TAF1B: variants seen among roughly 807,000 people sequenced by gnomAD.
The protein encoded by TAF1B is TATA-box binding protein associated factor, RNA polymerase I subunit B, also known as TATA box-binding protein-associated factor RNA polymerase I subunit B.
A neutral mutation model predicts 83.9 loss-of-function variants in TAF1B; 61 were observed. The observed-to-expected ratio is 0.73, with a 90% confidence interval of 0.59 to 0.90. The LOEUF (loss-of-function observed/expected upper bound fraction) is 0.90, where lower values mean the gene tolerates loss of function less well. Ranked by LOEUF, TAF1B falls within the 40% of genes least tolerant of loss-of-function variation. TAF1B has a pLI of 0.00. For synonymous variants in TAF1B, 221 were observed against 224.6 expected, an observed-to-expected ratio of 0.98 and a Z score of 0.14; for missense variants, 625 against 677.0, an observed-to-expected ratio of 0.92 and a Z score of 0.85.
intron 5 of TAF1B, among the ~76,000 whole-genome samples, chr2:9,864,109 G>A (rs1455399246): frequency 1.3e-5 from 2 of 152,158 alleles, no homozygotes; most frequent in Non-Finnish European, 2.9e-5. Context: ...GAGCAGAACT[G>A]TAGGAAATAG....
intron 14 of TAF1B, among the ~76,000 whole-genome samples, chr2:9,927,341 G>T (rs113476419): frequency 0.011 from 1,636 of 152,282 alleles, 31 homozygotes; most frequent in African/African-American, 0.037. Context: ...ACATGTGCAT[G>T]TGTCTTTATA....
chr2:9,881,267 G>A (rs1335198709), intron 7 of TAF1B, among the ~76,000 whole-genome samples: 2 of 152,044 alleles, frequency 1.3e-5, no homozygotes, highest in African/African-American at 2.4e-5. Context: ...GAACCTGGGA[G>A]GTGGAGGCTG....
chr2:9,929,142 T>TTTATTGTTGTTG (rs71391176), intron 14 of TAF1B, among the ~76,000 whole-genome samples: 1 of 150,914 alleles, frequency 6.6e-6, no homozygotes, highest in African/African-American at 2.4e-5. Context: ...ATTGGTTCTG[T>TTTATTGTTGTTG]TTGTTGTTGT....
chr2:9,891,094 C>CA (rs1346328764), intron 8 of TAF1B, among the ~76,000 whole-genome samples: 3 of 152,192 alleles, frequency 2.0e-5, no homozygotes, highest in Admixed American at 6.5e-5. Flanking sequence ...TTAAATTATA[C>CA]AATACAGTCA....
chr2:9,901,265 A>G (rs1665169317), intron 8 of TAF1B, among the ~76,000 whole-genome samples: 1 of 152,218 alleles, frequency 6.6e-6, no homozygotes. Flanking sequence ...TTTAAAAATA[A>G]AAGAAATTTT....
In TAF1B at chr2:9,923,407, G is replaced by A. The variant is rs146540364; in HGVS notation, c.1565+3587G>A. 8.5e-3 allele frequency among the ~76,000 whole-genome samples: 1,292 copies of A among 151,918 alleles called. 22 individuals are homozygous for A. The highest frequency in any genetic ancestry group is 0.029 in the African/African-American group (1,206 of 41,420). ...AAGAGTGGCACTGTTGGCCGGGCACGGTGGTTCACACCTGTAATCCCAGCA... is the reference window on the plus strand; with the variant it reads ...AAGAGTGGCACTGTTGGCCGGGCACAGTGGTTCACACCTGTAATCCCAGCA... On this transcript the variant is annotated intron_variant, in intron 14 of 14. Transcript: ENST00000263663.
rs753209727 is a variant in TAF1B, at chr2:9,888,790, G to GGT, written c.807+5985_807+5986insGT. On this transcript the variant is annotated intron_variant, in intron 8 of 14. Coordinates refer to ENST00000263663, the MANE Select transcript of TAF1B (RefSeq NM_005680.3). ...GTTTTCTTTATGTTTCTTCTGCTTGGTTTTTTTTTTTTTTTTTTTTTTTTT... is the reference window on the plus strand; with the variant it reads ...GTTTTCTTTATGTTTCTTCTGCTTGGGTTTTTTTTTTTTTTTTTTTTTTTTTT... 2.1e-4 allele frequency among the ~76,000 whole-genome samples: 17 copies of GGT among 81,662 alleles called. 2 individuals are homozygous for GGT. The highest frequency in any genetic ancestry group is 6.3e-4 in the East Asian group (2 of 3,198). 53.6% of individuals were successfully genotyped at this position (81,662 alleles called of 152,430 possible). A position where few individuals can be genotyped will look rare whatever the true frequency, so the allele number is the denominator to read the frequency against.
chr2:9,913,448 C>A, intron 12 of TAF1B, 199 bp downstream of exon 12: 1 of 448,500 alleles, frequency 2.2e-6, no homozygotes, highest in Non-Finnish European at 3.9e-6. Flanking sequence ...GTGGATTTCA[C>A]CAGTGTTTTT....
intron 1 of TAF1B, among the ~76,000 whole-genome samples, chr2:9,844,119 G>A (rs1010419376): frequency 1.3e-5 from 2 of 152,110 alleles, no homozygotes; most frequent in Admixed American, 6.5e-5. Context: ...CATGCATTTT[G>A]TTTTGTTTTA....
intron 12 of TAF1B, among the ~76,000 whole-genome samples, chr2:9,917,546 A>G (rs12617033): frequency 0.51 from 78,249 of 152,046 alleles, 23,121 homozygotes; most frequent in Non-Finnish European, 0.68. Context: ...TTAAAGAACC[A>G]ATACATACAG....
chr2:9,889,510 G>A (rs925106580), intron 8 of TAF1B, among the ~76,000 whole-genome samples: 1 of 151,440 alleles, frequency 6.6e-6, no homozygotes, highest in Admixed American at 6.6e-5. Flanking sequence ...TGGCTATATT[G>A]ACAGTATTTG....
intron 5 of TAF1B, among the ~76,000 whole-genome samples, chr2:9,855,153 C>T (rs1344237389): frequency 6.6e-6 from 1 of 152,162 alleles, no homozygotes; most frequent in Non-Finnish European, 1.5e-5. Context: ...CGCCACCACA[C>T]CTGGTTCATT....
rs199505010 is a variant in TAF1B, at chr2:9,933,943, A to G, written c.1726A>G (p.Lys576Glu). ...KKLFEKKYSV[K>E]RKKSRSKKVR... The stretch of plus-strand genomic sequence containing the variant: ...ACTTTTTGAGAAAAAATACAGTGTA[A>G]AAAGAAAGAAATCAAGATCCAAGAA... Residue 576 changes from lysine to glutamate, a missense_variant, in exon 15 of 15, where the codon AAA becomes GAA. Coordinates refer to ENST00000263663, the MANE Select transcript of TAF1B (RefSeq NM_005680.3). 60 of 1,609,610 alleles carry G rather than the reference A, an allele frequency of 3.7e-5. No homozygotes were observed. In the Admixed American group the frequency reaches 5.6e-4, roughly 15 times the overall value.
Position 9,882,578 on chromosome 2 carries a change from T to C in TAF1B, c.708-128T>C, listed in dbSNP as rs1664543573. On this transcript the variant is annotated intron_variant, in intron 7 of 14. Transcript: ENST00000263663. ...ATGATTAGATTTATTATCCTTAAAA[T>C]CGTGGGAAATAGAATATGCTTAACT... 5 of 529,156 alleles carry C rather than the reference T, an allele frequency of 9.4e-6. No individual in the cohort carries two copies. The East Asian group carries it at 1.3e-4, about 14-fold the overall frequency. 32.8% of individuals were successfully genotyped at this position (529,156 alleles called of 1,614,324 possible).
At chr2:9,931,296 C>T (rs1328437962) in intron 14 of TAF1B, among the ~76,000 whole-genome samples, 4 of 152,134 alleles carry the variant, frequency 2.6e-5, no homozygotes, top group Admixed American at 6.6e-5. Flanking sequence ...GTTTTTGCAG[C>T]GGCTGATACC....
At chr2:9,878,433 T>C (rs1664389994) in intron 7 of TAF1B, among the ~76,000 whole-genome samples, 1 of 152,036 alleles carries the variant, frequency 6.6e-6, no homozygotes, top group Non-Finnish European at 1.5e-5. Context: ...ACTGCCAAAC[T>C]TTGAAAAAAT....
rs1210077880 is a variant in TAF1B at position 9,914,149 on chromosome 2, G to A, written c.1271+900G>A. 1.3e-5 allele frequency among the ~76,000 whole-genome samples: 2 copies of A among 152,104 alleles called. No homozygotes were observed. The highest frequency in any genetic ancestry group is 2.9e-5 in the Non-Finnish European group (2 of 68,014). Reference sequence around the variant, plus strand: ...TTATTTTTCCTCTAAATTTCAGAGGGCTTTTAAATAGAAAAACAGACTCTT... The same window carrying A: ...TTATTTTTCCTCTAAATTTCAGAGGACTTTTAAATAGAAAAACAGACTCTT... On this transcript the variant is annotated intron_variant, in intron 12 of 14. Coordinates refer to ENST00000263663, the MANE Select transcript of TAF1B (RefSeq NM_005680.3). This position sits in a 1 kb window ranked among gnomAD's most constrained non-coding sequence, Gnocchi z 4.3.
chr2:9,910,423 T>G (rs1408573844), intron 9 of TAF1B, among the ~76,000 whole-genome samples: 1 of 152,174 alleles, frequency 6.6e-6, no homozygotes, highest in Non-Finnish European at 1.5e-5. Flanking sequence ...TAGTTTTAGG[T>G]GAGCAAACAC....
chr2:9,924,480 C>T (rs1245499536), intron 14 of TAF1B, among the ~76,000 whole-genome samples: 1 of 152,210 alleles, frequency 6.6e-6, no homozygotes, highest in Non-Finnish European at 1.5e-5. Context: ...GAGCTCCAGT[C>T]GCAGAGCCTG....
Sources: gnomAD v4.1 joint callset for allele counts (sites outside exome capture counted in the v4.1 genomes callset) on GRCh38, gnomAD v4.1.1 for gene constraint, Gnocchi (gnomAD v3.1) non-coding constraint, MANE v1.5 for transcripts, NCBI Gene and HGNC (gene_info 2026-07-23, HGNC 2026-07-21) for gene names.